The following CPA3 variants were observed in gnomAD, a reference collection of about 807,000 sequenced individuals.
The protein encoded by CPA3 is carboxypeptidase A3.
CPA3 carries 52 observed loss-of-function variants against 55.8 expected under a neutral mutation model. The ratio of observed to expected loss-of-function variants is 0.93; its 90% confidence interval spans 0.75 to 1.17. The LOEUF (loss-of-function observed/expected upper bound fraction) is 1.17. Among genes scored for constraint, CPA3 ranks in the 50% most tolerant of loss-of-function variants. CPA3 has a pLI of 0.00. For missense variants in CPA3, 547 were observed against 509.1 expected (o/e 1.07, Z -0.72); for synonymous variants, 179 against 171.2 (o/e 1.05, Z -0.36).
chr3:148,889,178 T>C (rs770428880), intron 10 of CPA3, among the ~76,000 whole-genome samples: 1 of 152,194 alleles, frequency 6.6e-6, no homozygotes, highest in Non-Finnish European at 1.5e-5. Context: ...ACTGCTTTAA[T>C]AAAGCATCTG....
At chr3:148,890,964 T>C (rs1714648319) in intron 10 of CPA3, among the ~76,000 whole-genome samples, 1 of 152,212 alleles carries the variant, frequency 6.6e-6, no homozygotes. Flanking sequence ...CTTATAGAAC[T>C]GAGTAAAGAC....
Position 148,869,051 on chromosome 3 carries a change from G to A in CPA3, c.269+12G>A. 6.2e-7 allele frequency: 1 copy of A among 1,608,466 alleles called. No homozygotes were observed. Among genetic ancestry groups the A allele is most frequent in the African/African-American group, 1.3e-5 (1 of 74,864 alleles). On this transcript the variant is annotated intron_variant, in intron 3 of 10. Transcript: ENST00000296046. The stretch of plus-strand genomic sequence containing the variant: ...AAAATGCACTATGAGTAAGTCCTTG[G>A]CAAATATTGAAATTTGTTGGATATT...
chr3:148,896,176 G>A (rs530634776), intron 10 of CPA3, among the ~76,000 whole-genome samples: 4 of 152,028 alleles, frequency 2.6e-5, no homozygotes, highest in East Asian at 1.9e-4. Flanking sequence ...GGTTTTCAAC[G>A]ACCAGTGACT....
chr3:148,877,341 C>A (rs1714236306), intron 3 of CPA3, among the ~76,000 whole-genome samples: 1 of 152,062 alleles, frequency 6.6e-6, no homozygotes. Context: ...ACTCAAAATA[C>A]AAAATTAGCT....
chr3:148,872,561 C>T (rs1249976705), intron 3 of CPA3, among the ~76,000 whole-genome samples: 2 of 152,130 alleles, frequency 1.3e-5, no homozygotes, highest in Non-Finnish European at 2.9e-5. Context: ...TAATCAACAC[C>T]TAATATTAAT....
intron 6 of CPA3, among the ~76,000 whole-genome samples, chr3:148,881,030 A>G (rs985956380): frequency 2.0e-5 from 3 of 148,748 alleles, no homozygotes; most frequent in South Asian, 2.1e-4. Context: ...TCAGATATAG[A>G]AAAAAAAAAG....
chr3:148,893,191 T>G (rs928063906), intron 10 of CPA3, among the ~76,000 whole-genome samples: 7 of 151,408 alleles, frequency 4.6e-5, no homozygotes, highest in Non-Finnish European at 1.0e-4. Context: ...ATGCCAACAC[T>G]GAGATGATTG....
intron 3 of CPA3, 141 bp from the exon 4 acceptor site, chr3:148,878,300 A>T: frequency 5.9e-6 from 4 of 672,986 alleles, no homozygotes; most frequent in Non-Finnish European, 1.1e-5. Flanking sequence ...TAAAGGAGAT[A>T]GCTAGAGGAG....
chr3:148,887,375 C>A (rs1417693812), intron 10 of CPA3, among the ~76,000 whole-genome samples: 1 of 152,104 alleles, frequency 6.6e-6, no homozygotes, highest in Non-Finnish European at 1.5e-5. Context: ...CTGTGCTTAC[C>A]CCTTGATTTT....
chr3:148,870,110 A>G (rs1011133779), intron 3 of CPA3: 3 of 151,710 alleles, frequency 2.0e-5, no homozygotes, highest in African/African-American at 2.4e-5. Context: ...AAAAAAAAAA[A>G]AAAAAAGAAA....
At chr3:148,893,480 A>G (rs1230369628) in intron 10 of CPA3, among the ~76,000 whole-genome samples, 1 of 152,170 alleles carries the variant, frequency 6.6e-6, no homozygotes, top group Non-Finnish European at 1.5e-5. Context: ...ACTCGCTCTG[A>G]AGACAGAAAA....
Position 148,878,497 on chromosome 3 carries a change from A to G in CPA3, c.326A>G (p.Asp109Gly). ...EIEKQFDVKE[D>G]IPGRHSYAKY... ...GAGAAACAGTTTGATGTTAAAGAAG[A>G]TATCCCAGGCAGGCACAGCTACGCA... Residue 109 changes from aspartate to glycine, a missense_variant, in exon 4 of 11, where the codon GAT becomes GGT. Physicochemically the swap from Asp to Gly is moderately conservative, Grantham distance 94. Coordinates refer to ENST00000296046, the MANE Select transcript of CPA3 (RefSeq NM_001870.4). 6.2e-7 allele frequency: 1 copy of G among 1,613,760 alleles called. No homozygotes were observed. Among genetic ancestry groups the G allele is most frequent in the Non-Finnish European group, 8.5e-7 (1 of 1,179,744 alleles).
At chr3:148,871,013 T>C (rs1164398700) in intron 3 of CPA3, among the ~76,000 whole-genome samples, 3 of 152,130 alleles carry the variant, frequency 2.0e-5, no homozygotes, top group African/African-American at 4.8e-5. Flanking sequence ...ATTCTCCTGC[T>C]TCAGCCTCCC....
At chr3:148,869,122 CT>C (rs1713990524) in intron 3 of CPA3, 83 bp downstream of exon 3, 2 of 1,496,150 alleles carry the variant, frequency 1.3e-6, no homozygotes, top group Admixed American at 3.9e-5. Context: ...TACAATGGAC[CT>C]ATTTTTAATT....
chr3:148,876,116 A>C (rs565703958), intron 3 of CPA3, among the ~76,000 whole-genome samples: 1 of 152,060 alleles, frequency 6.6e-6, no homozygotes, highest in Admixed American at 6.5e-5. Context: ...TAAAATAGCT[A>C]AGTGTAATCA....
At chr3:148,874,064 A>T (rs1714143615) in intron 3 of CPA3, among the ~76,000 whole-genome samples, 1 of 152,210 alleles carries the variant, frequency 6.6e-6, no homozygotes, top group Non-Finnish European at 1.5e-5. Context: ...TGAAAATAAC[A>T]TCTGGCCCCA....
At position 148,879,876 on chromosome 3, in the gene CPA3, G is replaced by T. The variant is rs149006068; in HGVS notation, c.563G>T (p.Trp188Leu). Residue 188 changes from tryptophan to leucine, a missense_variant, in exon 6 of 11, where the codon TGG (tryptophan) becomes TTG (leucine). Trp to Leu is a moderately conservative substitution (Grantham distance 61, BLOSUM62 -2). Coordinates refer to ENST00000296046, the MANE Select transcript of CPA3 (RefSeq NM_001870.4). ...REWVSPAFCQ[W>L]FVYQATKTYG... Reference sequence around the variant, plus strand: ...TGGGTCTCCCCAGCATTCTGCCAGTGGTTTGTCTATCAGGTAAGTGAATCA... The same window carrying T: ...TGGGTCTCCCCAGCATTCTGCCAGTTGTTTGTCTATCAGGTAAGTGAATCA... The T allele has an allele frequency of 1.9e-6, 3 of 1,611,430 alleles. No individual in the cohort carries two copies. Among genetic ancestry groups the T allele is most frequent in the Non-Finnish European group, 2.5e-6 (3 of 1,177,772 alleles).
chr3:148,865,347 C>G lies in CPA3; in HGVS notation c.40C>G (p.Leu14Val), dbSNP rs771842039. 2 of 1,614,138 alleles carry G rather than the reference C, an allele frequency of 1.2e-6. No individual in the cohort carries two copies. Among genetic ancestry groups the G allele is most frequent in the Admixed American group, 3.3e-5 (2 of 60,016 alleles). The change falls in exon 1 of 11, where the codon CTT becomes GTT. Residue 14 changes from leucine to valine, a missense_variant. By Grantham distance (32) the Leu-to-Val change is conservative. Coordinates refer to ENST00000296046, the MANE Select transcript of CPA3 (RefSeq NM_001870.4). ...GCCTGTGGGTTTGATTGCTACCACT[C>G]TTGCAATTGCTCCTGTCCGCTTTGA... ...ILPVGLIATT[L>V]AIAPVRFDRE...
intron 3 of CPA3, among the ~76,000 whole-genome samples, chr3:148,876,643 C>T (rs188830746): frequency 4.6e-5 from 7 of 152,238 alleles, no homozygotes; most frequent in African/African-American, 1.4e-4. Flanking sequence ...TCCCAAAGTG[C>T]TGGGATTACA....
Sources: gnomAD v4.1 joint callset for allele counts (sites outside exome capture counted in the v4.1 genomes callset) on GRCh38, gnomAD v4.1.1 for gene constraint, MANE v1.5 for transcripts, NCBI Gene and HGNC (gene_info 2026-07-23, HGNC 2026-07-21) for gene names.